PJA2: variants seen among roughly 807,000 people sequenced by gnomAD.
The protein encoded by PJA2 is E3 ubiquitin-protein ligase Praja-2.
PJA2 carries 25 observed loss-of-function variants against 69.3 expected under a neutral mutation model. The ratio of observed to expected loss-of-function variants is 0.36; its 90% CI spans 0.26 to 0.50. The LOEUF is 0.50. Among genes scored for constraint, PJA2 ranks in the 20% least tolerant of loss-of-function variants. The pLI is 0.96. For synonymous variants in PJA2, 308 were observed against 277.8 expected (o/e 1.11, Z -1.08); for missense variants, 809 against 830.2 (o/e 0.97, Z 0.31).
At chr5:109,383,138 C>G (rs1747088415) in intron 2 of PJA2, among the ~76,000 whole-genome samples, 1 of 152,106 alleles carries the variant, frequency 6.6e-6, no homozygotes, top group African/African-American at 2.4e-5. Flanking sequence ...AACCAATGCC[C>G]TTAACAATTC....
At chr5:109,359,654 T>A (rs1362612571) in intron 6 of PJA2, among the ~76,000 whole-genome samples, 1 of 152,098 alleles carries the variant, frequency 6.6e-6, no homozygotes, top group African/African-American at 2.4e-5. Context: ...GTCAGGGTTA[T>A]GAAAAACAAA....
At chr5:109,386,762 A>G (rs1747168347) in intron 1 of PJA2, among the ~76,000 whole-genome samples, 1 of 152,244 alleles carries the variant, frequency 6.6e-6, no homozygotes, top group East Asian at 1.9e-4. Context: ...ATACTTTAGT[A>G]CAGTTCAAGA....
In PJA2 at chr5:109,334,930, C is replaced by T. The variant is rs1379534073; in HGVS notation, c.*2301G>A. On this transcript the variant is annotated 3_prime_UTR_variant, in exon 10 of 10. Transcript: ENST00000361189. ...CAATTAAGAAACACAAAGAATACCA[C>T]ATAGATCTACCTTTAAATATCAGCA... 1 of 152,476 alleles carries T rather than the reference C, an allele frequency of 6.6e-6. No homozygotes were observed. Among genetic ancestry groups the T allele is most frequent in the Non-Finnish European group, 1.5e-5 (1 of 68,006 alleles). 9.4% of individuals were successfully genotyped at this position (152,476 alleles called of 1,614,324 possible).
intron 1 of PJA2, among the ~76,000 whole-genome samples, chr5:109,401,135 T>C (rs1747536242): frequency 6.6e-6 from 1 of 152,060 alleles, no homozygotes; most frequent in African/African-American, 2.4e-5. Context: ...AATACAAAAA[T>C]TAGCCAGACG....
intron 3 of PJA2, among the ~76,000 whole-genome samples, chr5:109,380,666 G>A (rs901895127): frequency 1.1e-4 from 16 of 151,886 alleles, no homozygotes; most frequent in East Asian, 9.7e-4. Context: ...AAAATTAGGC[G>A]TGGAGGCGCA....
chr5:109,392,630 CTATATTAATT>C (rs1289825510), intron 1 of PJA2, among the ~76,000 whole-genome samples: 1 of 151,720 alleles, frequency 6.6e-6, no homozygotes, highest in African/African-American at 2.4e-5. Flanking sequence ...GTGTTCAAGC[CTATATTAATT>C]TTAATCTTCA....
intron 7 of PJA2, among the ~76,000 whole-genome samples, chr5:109,352,691 A>C (rs1188629043): frequency 6.6e-6 from 1 of 152,066 alleles, no homozygotes; most frequent in Non-Finnish European, 1.5e-5. Flanking sequence ...TATGTAAAAA[A>C]AGTGATGACA....
chr5:109,383,511 CA>C lies in PJA2; in HGVS notation c.-79del. On this transcript the variant is annotated 5_prime_UTR_variant, in exon 2 of 10. Transcript: ENST00000361189. ...TTTTATTCACACTATGGACAAGCCG[CA>C]GAAGATTCCTACAAAGAAACAATGA... 1 of 1,160,610 alleles carries C rather than the reference CA, an allele frequency of 8.6e-7. No homozygotes were observed. The highest frequency in any genetic ancestry group is 1.3e-6 in the Non-Finnish European group (1 of 795,974). 71.9% of individuals were successfully genotyped at this position (1,160,610 alleles called of 1,614,324 possible).
intron 1 of PJA2, among the ~76,000 whole-genome samples, chr5:109,390,330 AT>A (rs982426666): frequency 6.6e-6 from 1 of 150,812 alleles, no homozygotes; most frequent in African/African-American, 2.4e-5. Context: ...ACTCATCATG[AT>A]TTTTTTTTCT....
chr5:109,341,374 G>A lies in PJA2; in HGVS notation c.2001+2816C>T, dbSNP rs1232661380. Among the ~76,000 whole-genome samples the A allele has an allele frequency of 1.4e-3, 188 of 135,596 alleles. 3 individuals carry two copies. The highest frequency in any genetic ancestry group is 4.6e-3 in the Middle Eastern group (1 of 218). The allele number at this position is 135,596 out of a possible 152,430, so 89.0% of individuals were successfully genotyped here. On this transcript the variant is annotated intron_variant, in intron 9 of 9. Transcript: ENST00000361189. ...AGGAGCATCTCTGCCCGGCCGCCCC[G>A]TCTGAGAAGTGAGGAGACCCTCTGC...
intron 9 of PJA2, among the ~76,000 whole-genome samples, chr5:109,340,620 C>CGG (rs1429648763): frequency 0.07 from 34 of 488 alleles, 1 homozygote; most frequent in South Asian, 0.25. Context: ...TATTGGGTCC[C>CGG]TCCCCCTCCC....
chr5:109,386,491 T>C (rs74426828), intron 1 of PJA2, among the ~76,000 whole-genome samples: 2,766 of 152,310 alleles, frequency 0.018, 32 homozygotes, highest in East Asian at 0.032. Context: ...GATTCCACTT[T>C]TCTTCTTAAA....
intron 3 of PJA2, among the ~76,000 whole-genome samples, chr5:109,379,800 G>C (rs781763057): frequency 6.6e-6 from 1 of 152,142 alleles, no homozygotes; most frequent in Non-Finnish European, 1.5e-5. Context: ...AAATTGAATT[G>C]TTGTAATACA....
intron 5 of PJA2, among the ~76,000 whole-genome samples, chr5:109,367,892 A>G (rs1159201801): frequency 6.6e-6 from 1 of 152,224 alleles, no homozygotes; most frequent in Non-Finnish European, 1.5e-5. Context: ...TTCAACAAAC[A>G]TTCTTGCTAG....
At chr5:109,356,556 G>C (rs1762416258) in intron 6 of PJA2, among the ~76,000 whole-genome samples, 1 of 152,098 alleles carries the variant, frequency 6.6e-6, no homozygotes, top group Admixed American at 6.5e-5. Context: ...TTTCAGGTGA[G>C]GGATATAGTA....
rs1761927564 is a variant in PJA2 at position 109,335,714 on chromosome 5, G to C, written c.*1517C>G. 1 of 152,496 alleles carries C rather than the reference G, an allele frequency of 6.6e-6. No individual in the cohort carries two copies. Among genetic ancestry groups the C allele is most frequent in the Non-Finnish European group, 1.5e-5 (1 of 68,014 alleles). 9.4% of individuals were successfully genotyped at this position (152,496 alleles called of 1,614,324 possible). ...CAGAGTAGAAAACAAGCAAAGATTA[G>C]TTTATACAACAGTGACTATATACAT... On this transcript the variant is annotated 3_prime_UTR_variant, in exon 10 of 10. Transcript: ENST00000361189.
rs1371584908 is a variant in PJA2 at position 109,378,090 on chromosome 5, G to C, written c.1283+114C>G. The stretch of plus-strand genomic sequence containing the variant: ...TTCAGTAAATAAAAATATTTGGTAA[G>C]TCAAAATGTCTAATTCCCTGATCAT... On this transcript the variant is annotated intron_variant, in intron 4 of 9. Transcript: ENST00000361189. The C allele has an allele frequency of 4.2e-6, 3 of 721,016 alleles. No homozygotes were observed. The African/African-American group carries it at 5.3e-5, about 13-fold the overall frequency. The allele number at this position is 721,016 out of a possible 1,614,324, so 44.7% of individuals were successfully genotyped here. A position where few individuals can be genotyped will look rare whatever the true frequency, so the allele number is the denominator to read the frequency against.
chr5:109,392,289 G>A (rs1747300087), intron 1 of PJA2, among the ~76,000 whole-genome samples: 1 of 152,108 alleles, frequency 6.6e-6, no homozygotes, highest in Non-Finnish European at 1.5e-5. Context: ...GACCGGGCAT[G>A]GTGGCTCTTG....
rs1317330503 is a variant in PJA2, at chr5:109,337,307, T to C, written c.2051A>G (p.Glu684Gly). The C allele has an allele frequency of 6.2e-7, 1 of 1,613,206 alleles. No individual in the cohort carries two copies. The highest frequency in any genetic ancestry group is 8.5e-7 in the Non-Finnish European group (1 of 1,179,724). The change falls in exon 10 of 10, where the codon GAA (glutamate) becomes GGA (glycine). Residue 684 changes from glutamate (E) to glycine (G), a missense_variant. Around this residue, in one of 4 missense-constraint regions of PJA2, gnomAD observed 35 missense variants for 37.0 expected, o/e 0.94. Coordinates refer to ENST00000361189, the MANE Select transcript of PJA2 (RefSeq NM_014819.5). The stretch of plus-strand genomic sequence containing the variant: ...CTCAGAGGAAGGAGCTGCAGATGCT[T>C]CAATAACCGCAGGTGGGAAATGACG... ...CRRHFPPAVI[E>G]ASAAPSSEPD...
Sources: allele counts gnomAD v4.1 joint callset (sites outside exome capture counted in the v4.1 genomes callset), GRCh38; gene constraint gnomAD v4.1.1; regional missense constraint gnomAD v4.1.1; transcripts MANE v1.5; gene names NCBI Gene and HGNC (gene_info 2026-07-23, HGNC 2026-07-21).